Variants in RASAL2 observed in about 807,000 individuals in gnomAD.
RASAL2 encodes the protein ras GTPase-activating protein nGAP.
Under a neutral mutation model 128.9 loss-of-function variants are expected in RASAL2, and 58 were observed. That is an observed-to-expected ratio of 0.45 (90% CI 0.36 to 0.56). The LOEUF (loss-of-function observed/expected upper bound fraction) is 0.56. Ranked by LOEUF, RASAL2 falls within the 20% of genes least tolerant of loss-of-function variation. RASAL2 has a pLI of 0.00. For missense variants in RASAL2, 1,360 were observed against 1,601.6 expected (o/e 0.85, Z 2.57); for synonymous variants, 561 against 580.8 (o/e 0.97, Z 0.49).
chr1:178,196,840 G>C (rs1445743331), intron 1 of RASAL2, among the ~76,000 whole-genome samples: 1 of 152,148 alleles, frequency 6.6e-6, no homozygotes, highest in Non-Finnish European at 1.5e-5. Flanking sequence ...AACTTTATTA[G>C]TAATTAGGAA....
chr1:178,419,863 T>C (rs79108144), intron 4 of RASAL2, among the ~76,000 whole-genome samples: 7,636 of 152,318 alleles, frequency 0.05, 225 homozygotes, highest in South Asian at 0.082. Flanking sequence ...AAATGATCTA[T>C]ACTTCATTTT....
At chr1:178,457,326 C>G (rs955563380) in intron 13 of RASAL2, among the ~76,000 whole-genome samples, 1 of 152,154 alleles carries the variant, frequency 6.6e-6, no homozygotes. Context: ...TTGCAGGGAC[C>G]TTTCAGTTGT....
chr1:178,356,093 G>A (rs1030185886), intron 3 of RASAL2, among the ~76,000 whole-genome samples: 2 of 151,370 alleles, frequency 1.3e-5, no homozygotes, highest in African/African-American at 2.4e-5. Context: ...GCTTGAACCC[G>A]GGAGGCAGAG....
Position 178,281,262 on chromosome 1 carries a change from GCTCT to G in RASAL2, c.203-2299_203-2296del, listed in dbSNP as rs1273899491. Among the ~76,000 whole-genome samples the G allele has an allele frequency of 5.3e-5, 8 of 151,724 alleles. No homozygotes were observed. In the East Asian group the frequency reaches 1.5e-3, roughly 29 times the overall value. On this transcript the variant is annotated intron_variant, in intron 1 of 17. Coordinates refer to ENST00000367649, the MANE Select transcript of RASAL2 (RefSeq NM_170692.4). ...AATTTTTTTTTAATATAGAAGCATT[GCTCT>G]CTATTTCATTGTTCTCTATTTCTTC...
chr1:178,141,193 CTTTTTTTTTTT>C (rs71297900), intron 1 of RASAL2, among the ~76,000 whole-genome samples: 13 of 73,952 alleles, frequency 1.8e-4, no homozygotes, highest in East Asian at 1.5e-3. Context: ...CTTTTCTTTT[CTTTTTTTTTTT>C]TTTTTTTTTT....
chr1:178,409,138 A>G (rs1674190865), intron 4 of RASAL2, among the ~76,000 whole-genome samples: 1 of 152,112 alleles, frequency 6.6e-6, no homozygotes, highest in Non-Finnish European at 1.5e-5. Context: ...GTGGTTGGAG[A>G]AGATTGCATC....
intron 3 of RASAL2, among the ~76,000 whole-genome samples, chr1:178,381,143 G>A (rs1176702098): frequency 6.6e-6 from 1 of 152,218 alleles, no homozygotes; most frequent in Non-Finnish European, 1.5e-5. Flanking sequence ...AATATGCAAA[G>A]TAGGGCCAGG....
chr1:178,108,189 A>G (rs1049331286), intron 1 of RASAL2, among the ~76,000 whole-genome samples: 1 of 152,150 alleles, frequency 6.6e-6, no homozygotes, highest in African/African-American at 2.4e-5. Context: ...ATTTGTATTT[A>G]CATAATGATT....
chr1:178,475,154 C>A lies in RASAL2; in HGVS notation c.*1915C>A, dbSNP rs568810937. 3.3e-5 allele frequency: 5 copies of A among 152,356 alleles called. No homozygotes were observed. In the South Asian group the frequency reaches 1.0e-3, roughly 32 times the overall value. The allele number at this position is 152,356 out of a possible 1,614,324, so 9.4% of individuals were successfully genotyped here. A position where few individuals can be genotyped will look rare whatever the true frequency, so the allele number is the denominator to read the frequency against. On this transcript the variant is annotated 3_prime_UTR_variant, in exon 18 of 18. Coordinates refer to ENST00000367649, the MANE Select transcript of RASAL2 (RefSeq NM_170692.4). ...TCACCATGGCCACATAACCCACAAC[C>A]TTTTAAAACAGTTTCTTTCATAGCA...
chr1:178,239,574 A>G (rs570529865), intron 1 of RASAL2, among the ~76,000 whole-genome samples: 5 of 152,234 alleles, frequency 3.3e-5, no homozygotes, highest in South Asian at 2.1e-4. Context: ...AGGCATGATT[A>G]CTGTTTCCAA....
At position 178,465,840 on chromosome 1, in the gene RASAL2, GAGAA is replaced by G. The variant is rs541100214; in HGVS notation, c.3388-70_3388-67del. 1.2e-4 allele frequency: 129 copies of G among 1,103,926 alleles called. No homozygotes were observed. The East Asian group carries it at 2.4e-3, about 21-fold the overall frequency. The allele number at this position is 1,103,926 out of a possible 1,614,324, so 68.4% of individuals were successfully genotyped here. On this transcript the variant is annotated intron_variant, in intron 15 of 17. Coordinates refer to ENST00000367649, the MANE Select transcript of RASAL2 (RefSeq NM_170692.4). Reference sequence around the variant, plus strand: ...AAAGAAAAAGAAAAAAAGAAAGAAAGAGAAAGAAAGAAAAGTAAATCACTGATTT... The same window carrying G: ...AAAGAAAAAGAAAAAAAGAAAGAAAGAGAAAGAAAAGTAAATCACTGATTT...
chr1:178,151,188 T>G (rs1303561783), intron 1 of RASAL2, among the ~76,000 whole-genome samples: 1 of 152,074 alleles, frequency 6.6e-6, no homozygotes, highest in Non-Finnish European at 1.5e-5. Flanking sequence ...GGTGGATCAC[T>G]TGAGGTCAGG....
chr1:178,173,321 C>G (rs1261601661), intron 1 of RASAL2, among the ~76,000 whole-genome samples: 2 of 152,050 alleles, frequency 1.3e-5, no homozygotes, highest in African/African-American at 4.8e-5. Context: ...GCAGTGTGGT[C>G]TGTTCTTGGT....
intron 5 of RASAL2, among the ~76,000 whole-genome samples, chr1:178,437,745 A>C (rs1006647421): frequency 6.6e-6 from 1 of 152,090 alleles, no homozygotes; most frequent in South Asian, 2.1e-4. Context: ...GGGAAAGATT[A>C]TATGATAATT....
chr1:178,297,607 C>CAAA (rs34825546), intron 2 of RASAL2, among the ~76,000 whole-genome samples: 4 of 57,178 alleles, frequency 7.0e-5, no homozygotes, highest in African/African-American at 1.1e-4. Context: ...GACTCCATCT[C>CAAA]AAAAAAAAAA....
chr1:178,117,398 T>C (rs942798345), intron 1 of RASAL2, among the ~76,000 whole-genome samples: 6 of 152,252 alleles, frequency 3.9e-5, no homozygotes, highest in South Asian at 2.1e-4. Context: ...AAGTAACTAG[T>C]AAAGATGCAT....
chr1:178,404,428 T>C (rs1673857086), intron 4 of RASAL2, among the ~76,000 whole-genome samples: 1 of 151,010 alleles, frequency 6.6e-6, no homozygotes, highest in East Asian at 2.0e-4. Context: ...GTCGCCAGGC[T>C]AGAGCGTAGT....
At chr1:178,111,884 C>A (rs1308998377) in intron 1 of RASAL2, among the ~76,000 whole-genome samples, 1 of 152,110 alleles carries the variant, frequency 6.6e-6, no homozygotes, top group Non-Finnish European at 1.5e-5. Context: ...CACCTGCCAT[C>A]ATGCCTGGCT....
chr1:178,281,028 A>G (rs894077319), intron 1 of RASAL2, among the ~76,000 whole-genome samples: 6 of 152,106 alleles, frequency 3.9e-5, no homozygotes, highest in Admixed American at 6.5e-5. Context: ...TAAGTTAAAT[A>G]TAGGTTATTT....
Sources: gnomAD v4.1 joint callset for allele counts (sites outside exome capture counted in the v4.1 genomes callset) on GRCh38, gnomAD v4.1.1 for gene constraint, MANE v1.5 for transcripts, NCBI Gene and HGNC (gene_info 2026-07-23, HGNC 2026-07-21) for gene names.